Variants in EVA1A observed in about 807,000 individuals in gnomAD.
EVA1A encodes protein eva-1 homolog A.
In EVA1A, 7 loss-of-function variants were observed where a neutral mutation model predicts 9.8. The ratio of observed to expected loss-of-function variants is 0.71; its 90% CI spans 0.41 to 1.34. The LOEUF (loss-of-function observed/expected upper bound fraction) is 1.34, where lower values mean the gene tolerates loss of function less well. Ranked by LOEUF, EVA1A falls within the 40% of genes most tolerant of loss-of-function variation. The probability of loss-of-function intolerance (pLI) is 0.01; values close to 1 mark genes in which losing one functional copy is unlikely to be tolerated. For missense variants in EVA1A, 206 were observed against 205.9 expected (o/e 1.00, Z 0.00); for synonymous variants, 90 against 85.6 (o/e 1.05, Z -0.28).
At chr2:75,520,789 A>G (rs1041491359) in intron 2 of EVA1A, among the ~76,000 whole-genome samples, 1 of 151,740 alleles carries the variant, frequency 6.6e-6, no homozygotes, top group African/African-American at 2.4e-5. Context: ...GGATTTGACA[A>G]TGATTTCTTG....
chr2:75,496,183 G>C (rs1166021807), intron 3 of EVA1A, among the ~76,000 whole-genome samples: 1 of 152,126 alleles, frequency 6.6e-6, no homozygotes, highest in Non-Finnish European at 1.5e-5. Context: ...GATCTAGCTA[G>C]AGCAATTAGG....
rs1674669090 is a variant in EVA1A, at chr2:75,507,790, T to C, written c.85+10266A>G. ...TGCCTCATCCCTCCCTCCTGAAAAG[T>C]CTATACCTGCTGATCAGAGCCTCAC... On this transcript the variant is annotated intron_variant, in intron 3 of 3. Transcript: ENST00000393913. Among the ~76,000 whole-genome samples, 5 of 152,196 alleles carry C rather than the reference T, an allele frequency of 3.3e-5. No homozygotes were observed. In the South Asian group the frequency reaches 1.0e-3, roughly 32 times the overall value.
intron 1 of EVA1A, among the ~76,000 whole-genome samples, chr2:75,568,647 A>G (rs1022304723): frequency 5.9e-5 from 9 of 152,110 alleles, no homozygotes; most frequent in Non-Finnish European, 1.0e-4. Flanking sequence ...AAAATTTATT[A>G]TATTGTTCTA....
At chr2:75,499,854 C>T (rs1000837216) in intron 3 of EVA1A, among the ~76,000 whole-genome samples, 3 of 152,116 alleles carry the variant, frequency 2.0e-5, no homozygotes, top group Non-Finnish European at 2.9e-5. Flanking sequence ...ACTGCTCGGC[C>T]GTACTCGAGA....
At chr2:75,535,013 C>G (rs1486543329) in intron 1 of EVA1A, among the ~76,000 whole-genome samples, 1 of 151,852 alleles carries the variant, frequency 6.6e-6, no homozygotes, top group Non-Finnish European at 1.5e-5. Context: ...GTATCCTTTC[C>G]CTAGTTTATG....
chr2:75,509,507 A>C (rs935161568), intron 3 of EVA1A, among the ~76,000 whole-genome samples: 1 of 152,166 alleles, frequency 6.6e-6, no homozygotes, highest in African/African-American at 2.4e-5. Flanking sequence ...TGGTTATTAA[A>C]ATAATAAAAT....
intron 3 of EVA1A, among the ~76,000 whole-genome samples, chr2:75,505,714 T>TGAGGCAGAAGAGTCACTTGAACCTGG (rs1674592136): frequency 6.6e-6 from 1 of 151,862 alleles, no homozygotes; most frequent in Admixed American, 6.6e-5. Flanking sequence ...CTCGGGAGGC[T>TGAGGCAGAAGAGTCACTTGAACCTGG]GAGGCAGAAG....
intron 1 of EVA1A, among the ~76,000 whole-genome samples, chr2:75,532,755 G>A (rs1675713743): frequency 6.6e-6 from 1 of 152,146 alleles, no homozygotes; most frequent in African/African-American, 2.4e-5. Flanking sequence ...CAAGAAACGT[G>A]AACTTACAGA....
intron 1 of EVA1A, among the ~76,000 whole-genome samples, chr2:75,543,084 T>C (rs1021072921): frequency 2.0e-5 from 3 of 152,102 alleles, no homozygotes; most frequent in Non-Finnish European, 2.9e-5. Context: ...AGTCACAACA[T>C]CCATACCACA....
intron 1 of EVA1A, among the ~76,000 whole-genome samples, chr2:75,559,771 T>C (rs1199991803): frequency 6.6e-6 from 1 of 151,234 alleles, no homozygotes; most frequent in Non-Finnish European, 1.5e-5. Flanking sequence ...AGGGCTGGAC[T>C]TGAAGTGTAT....
At chr2:75,534,092 A>C (rs1675785037) in intron 1 of EVA1A, among the ~76,000 whole-genome samples, 1 of 152,082 alleles carries the variant, frequency 6.6e-6, no homozygotes, top group Non-Finnish European at 1.5e-5. Flanking sequence ...AAAAGCACTT[A>C]GCAGGGCATG....
Position 75,532,070 on chromosome 2 carries a change from GA to G in EVA1A, c.-191-9584del, listed in dbSNP as rs543331644. On this transcript the variant is annotated intron_variant, in intron 1 of 3. Coordinates refer to ENST00000393913, the MANE Select transcript of EVA1A (RefSeq NM_001135032.2). ...ACCTACTCGGGAGGCTGAGGCAGGA[GA>G]ATGGCATGAACCCAGGAGGCAGAGC... 2.6e-3 allele frequency among the ~76,000 whole-genome samples: 374 copies of G among 146,598 alleles called. 4 individuals are homozygous for G. Among genetic ancestry groups the G allele is most frequent in the Admixed American group, 0.024 (343 of 14,160 alleles).
intron 1 of EVA1A, among the ~76,000 whole-genome samples, chr2:75,533,083 G>A (rs953045321): frequency 4.0e-5 from 6 of 151,122 alleles, no homozygotes; most frequent in South Asian, 2.1e-4. Flanking sequence ...GATCGAGACT[G>A]CAGTGAACCA....
At chr2:75,541,009 T>C (rs895686926) in intron 1 of EVA1A, 1 of 152,186 alleles carries the variant, frequency 6.6e-6, no homozygotes, top group Non-Finnish European at 1.5e-5. Context: ...GCAGAGTGTG[T>C]TGTATACCTG....
chr2:75,516,518 G>A, intron 3 of EVA1A, among the ~76,000 whole-genome samples: 1 of 152,196 alleles, frequency 6.6e-6, no homozygotes, highest in East Asian at 1.9e-4. Context: ...GTACTTTTCA[G>A]CCTTGACAAG....
chr2:75,518,070 T>A lies in EVA1A; in HGVS notation c.71A>T (p.Tyr24Phe), dbSNP rs763431830. 4 of 1,614,082 alleles carry A rather than the reference T, an allele frequency of 2.5e-6. No homozygotes were observed. The South Asian group carries it at 3.3e-5, about 13-fold the overall frequency. Residue 24 changes from tyrosine (Y) to phenylalanine (F), a missense_variant, in exon 3 of 4, where the codon TAT becomes TTT. Tyr to Phe is a conservative substitution (Grantham distance 22, BLOSUM62 3). Transcript: ENST00000393913. ...MALLSNILAA[Y>F]SFVSENPERA... ...CAGGCACCTACCTGAGACAAAGGAA[T>A]AGGCCGCTAGGATGTTGCTGAGCAA...
At chr2:75,559,873 A>AG (rs1295466373) in intron 1 of EVA1A, among the ~76,000 whole-genome samples, 1 of 152,060 alleles carries the variant, frequency 6.6e-6, no homozygotes, top group Admixed American at 6.5e-5. Flanking sequence ...TTTGTAAAAT[A>AG]GGGGTAAGAG....
intron 1 of EVA1A, among the ~76,000 whole-genome samples, chr2:75,566,584 C>T (rs1677032986): frequency 6.6e-6 from 1 of 152,178 alleles, no homozygotes; most frequent in East Asian, 1.9e-4. Flanking sequence ...AATTAAGTAT[C>T]CTCTTTATCT....
intron 1 of EVA1A, among the ~76,000 whole-genome samples, chr2:75,533,937 G>C (rs976515211): frequency 3.3e-5 from 5 of 151,672 alleles, no homozygotes; most frequent in African/African-American, 4.8e-5. Flanking sequence ...TCAGCCTCCC[G>C]AGTAGCTGGG....
Sources: allele counts gnomAD v4.1 joint callset (sites outside exome capture counted in the v4.1 genomes callset), GRCh38; gene constraint gnomAD v4.1.1; transcripts MANE v1.5; gene names NCBI Gene and HGNC (gene_info 2026-07-23, HGNC 2026-07-21).